PDE4B: variants seen among roughly 807,000 people sequenced by gnomAD.
PDE4B encodes phosphodiesterase 4B, also known as 3',5'-cyclic-AMP phosphodiesterase 4B.
A neutral mutation model predicts 82.2 loss-of-function variants in PDE4B; 20 were observed. That is an observed-to-expected ratio of 0.24 (90% CI 0.17 to 0.35). The LOEUF is 0.35. Ranked by LOEUF, PDE4B falls within the 10% of genes least tolerant of loss-of-function variation. PDE4B has a pLI of 1.00. For synonymous variants in PDE4B, 320 were observed against 318.9 expected (o/e 1.00, Z -0.04); for missense variants, 655 against 907.2 (o/e 0.72, Z 3.57).
At chr1:65,912,824 C>G (rs767124565) in intron 1 of PDE4B, among the ~76,000 whole-genome samples, 9 of 151,924 alleles carry the variant, frequency 5.9e-5, no homozygotes, top group Admixed American at 1.3e-4. Flanking sequence ...GCTGTGTTAC[C>G]TTGGCCAAAT....
intron 3 of PDE4B, among the ~76,000 whole-genome samples, chr1:66,079,495 A>G (rs1314110951): frequency 1.3e-5 from 2 of 152,134 alleles, no homozygotes; most frequent in African/African-American, 4.8e-5. Flanking sequence ...GTAGTAGCAC[A>G]TCGTTTTTGT....
intron 1 of PDE4B, among the ~76,000 whole-genome samples, chr1:65,810,235 T>A (rs10889585): frequency 0.36 from 54,580 of 152,182 alleles, 10,737 homozygotes; most frequent in East Asian, 0.65. Flanking sequence ...TTTTTGCTAT[T>A]TATTTTGACC....
intron 3 of PDE4B, among the ~76,000 whole-genome samples, chr1:65,922,488 A>G (rs1402947900): frequency 6.6e-6 from 1 of 152,200 alleles, no homozygotes; most frequent in Non-Finnish European, 1.5e-5. Context: ...TTTAATACTG[A>G]TAAAGTTGAT....
At chr1:66,155,149 A>C (rs1646477850) in intron 3 of PDE4B, among the ~76,000 whole-genome samples, 1 of 152,132 alleles carries the variant, frequency 6.6e-6, no homozygotes. Flanking sequence ...AGAAAGTTAC[A>C]TATAGATTGG....
At chr1:66,095,132 C>T (rs1434635504) in intron 3 of PDE4B, among the ~76,000 whole-genome samples, 2 of 151,740 alleles carry the variant, frequency 1.3e-5, no homozygotes, top group Non-Finnish European at 2.9e-5. Context: ...TCTTGGTGAA[C>T]ATCTAGTTTA....
At chr1:66,197,985 T>C (rs1309096344) in intron 3 of PDE4B, among the ~76,000 whole-genome samples, 2 of 152,166 alleles carry the variant, frequency 1.3e-5, no homozygotes, top group African/African-American at 4.8e-5. Context: ...GAAATCACAC[T>C]GCTTTTAATA....
intron 12 of PDE4B, among the ~76,000 whole-genome samples, chr1:66,365,163 A>G (rs1348615091): frequency 6.6e-6 from 1 of 152,210 alleles, no homozygotes; most frequent in Non-Finnish European, 1.5e-5. Context: ...TGAATGAATA[A>G]TATCTGAAAG....
chr1:66,085,854 C>G (rs1340980810), intron 3 of PDE4B, among the ~76,000 whole-genome samples: 2 of 152,112 alleles, frequency 1.3e-5, no homozygotes, highest in Admixed American at 1.3e-4. Flanking sequence ...GATGTTTTGA[C>G]TGCAAGTTTG....
At chr1:65,822,516 T>A (rs1015322702) in intron 1 of PDE4B, among the ~76,000 whole-genome samples, 3 of 152,142 alleles carry the variant, frequency 2.0e-5, no homozygotes, top group Non-Finnish European at 2.9e-5. Flanking sequence ...CCTGCTATGG[T>A]TTGAATGTAT....
At chr1:66,358,642 C>A (rs1662471560) in intron 9 of PDE4B, among the ~76,000 whole-genome samples, 1 of 149,434 alleles carries the variant, frequency 6.7e-6, no homozygotes. Flanking sequence ...CCATTGCACT[C>A]CAGCCTGGGC....
intron 1 of PDE4B, among the ~76,000 whole-genome samples, chr1:65,825,675 A>G (rs1016710330): frequency 6.6e-6 from 1 of 151,204 alleles, no homozygotes; most frequent in Non-Finnish European, 1.5e-5. Context: ...GACAAACCCC[A>G]TCTCTAAAAA....
intron 9 of PDE4B, among the ~76,000 whole-genome samples, chr1:66,356,791 A>G (rs2102010093): frequency 6.6e-6 from 1 of 152,346 alleles, no homozygotes; most frequent in Middle Eastern, 3.4e-3. Context: ...GACGTGATTA[A>G]CAAGTGCCTT....
intron 3 of PDE4B, among the ~76,000 whole-genome samples, chr1:66,077,535 T>C (rs1331010400): frequency 6.6e-6 from 1 of 152,142 alleles, no homozygotes; most frequent in Non-Finnish European, 1.5e-5. Flanking sequence ...CAGAACTGAG[T>C]CCAGTGCCTA....
intron 3 of PDE4B, among the ~76,000 whole-genome samples, chr1:66,143,184 C>T (rs1289962959): frequency 6.6e-6 from 1 of 152,102 alleles, no homozygotes; most frequent in African/African-American, 2.4e-5. Flanking sequence ...AAAGTGAAGA[C>T]AAGGGTTTGT....
At chr1:66,211,917 G>A (rs12041964) in intron 3 of PDE4B, among the ~76,000 whole-genome samples, 6,879 of 152,238 alleles carry the variant, frequency 0.045, 245 homozygotes, top group East Asian at 0.15. Flanking sequence ...TTTATACTTG[G>A]TGAATCTAAC....
At chr1:66,032,759 C>G (rs1432227322) in intron 3 of PDE4B, among the ~76,000 whole-genome samples, 1 of 151,242 alleles carries the variant, frequency 6.6e-6, no homozygotes, top group African/African-American at 2.4e-5. Context: ...AGGTTCAAGC[C>G]ATTCTCCTGC....
intron 1 of PDE4B, among the ~76,000 whole-genome samples, chr1:65,794,619 A>G (rs1645610902): frequency 6.6e-6 from 1 of 152,202 alleles, no homozygotes. Flanking sequence ...CTTAATGTCA[A>G]TAAATATAGC....
chr1:65,816,915 A>G (rs1313344139), intron 1 of PDE4B, among the ~76,000 whole-genome samples: 2 of 152,264 alleles, frequency 1.3e-5, no homozygotes, highest in Non-Finnish European at 2.9e-5. Flanking sequence ...ATTCATAAAC[A>G]TATTTGTAAA....
intron 3 of PDE4B, among the ~76,000 whole-genome samples, chr1:66,228,692 G>A (rs953523901): frequency 6.6e-6 from 1 of 151,108 alleles, no homozygotes; most frequent in African/African-American, 2.4e-5. Context: ...GCAACAAGAA[G>A]TTCAAGGGTA....
Sources: gnomAD v4.1 joint callset for allele counts (sites outside exome capture counted in the v4.1 genomes callset) on GRCh38, gnomAD v4.1.1 for gene constraint, MANE v1.5 for transcripts, NCBI Gene and HGNC (gene_info 2026-07-23, HGNC 2026-07-21) for gene names.